ARHGEF17: variants seen among roughly 807,000 people sequenced by gnomAD.
The protein encoded by ARHGEF17 is 164 kDa Rho-specific guanine-nucleotide exchange factor.
Under a neutral mutation model 174.0 loss-of-function variants are expected in ARHGEF17, and 80 were observed. The observed-to-expected ratio is 0.46, with a 90% CI of 0.38 to 0.55. The LOEUF (loss-of-function observed/expected upper bound fraction) is 0.55. Ranked by LOEUF, ARHGEF17 falls within the 20% of genes least tolerant of loss-of-function variation. The pLI, the probability that ARHGEF17 is intolerant of heterozygous loss-of-function variation, is 0.00. For missense variants in ARHGEF17, 2,886 were observed against 2,839.7 expected (o/e 1.02, Z -0.37); for synonymous variants, 1,311 against 1,189.1 (o/e 1.10, Z -2.11).
chr11:73,335,135 G>A (rs915381890), intron 1 of ARHGEF17, among the ~76,000 whole-genome samples: 3 of 152,206 alleles, frequency 2.0e-5, no homozygotes, highest in African/African-American at 7.2e-5. Flanking sequence ...GAAGGTGGGT[G>A]CATTTCCTGG....
chr11:73,315,218 T>A (rs1864909109), intron 1 of ARHGEF17, among the ~76,000 whole-genome samples: 2 of 152,140 alleles, frequency 1.3e-5, no homozygotes, highest in African/African-American at 2.4e-5. Context: ...GAGTGTCACC[T>A]CCACATCCCC....
chr11:73,360,310 T>C lies in ARHGEF17; in HGVS notation c.4207-10T>C, dbSNP rs1254490548. On this transcript the variant is annotated splice_polypyrimidine_tract_variant and intron_variant, in intron 10 of 20. Coordinates refer to ENST00000263674, the MANE Select transcript of ARHGEF17 (RefSeq NM_014786.4). ...GCTGGGGCCTGAGGCCTGGGCCCTC[T>C]TCCCCACAGAGCCTGGACGATGCAC... 2 of 1,612,978 alleles carry C rather than the reference T, an allele frequency of 1.2e-6. No homozygotes were observed. The highest frequency in any genetic ancestry group is 1.7e-6 in the Non-Finnish European group (2 of 1,179,918).
rs377182468 is a variant in ARHGEF17 at position 73,356,293 on chromosome 11, C to G, written c.3782C>G (p.Ala1261Gly). ...INKGVRSAEE[A>G]ERHARVLQEI... is the part of the protein sequence containing the mutation. ...AAGGGTGTGCGGAGTGCCGAGGAGG[C>G]GGAGCGCCATGCCCGTGTGCTGCAG... Residue 1261 changes from alanine (A) to glycine (G), a missense_variant, in exon 6 of 21, where the codon GCG (alanine) becomes GGG (glycine). By Grantham distance (60) the Ala-to-Gly change is moderately conservative. Transcript: ENST00000263674. 2.5e-6 allele frequency: 4 copies of G among 1,613,322 alleles called. No individual in the cohort carries two copies. Among genetic ancestry groups the G allele is most frequent in the African/African-American group, 2.7e-5 (2 of 74,908 alleles).
chr11:73,342,687 G>A (rs1236748842), intron 1 of ARHGEF17, among the ~76,000 whole-genome samples: 2 of 152,094 alleles, frequency 1.3e-5, no homozygotes, highest in Non-Finnish European at 2.9e-5. Context: ...TGCGTTCAGC[G>A]TGTGCCGGCG....
At position 73,311,425 on chromosome 11, in the gene ARHGEF17, T is replaced by A. The variant is rs1035277915; in HGVS notation, c.2787T>A (p.Ser929Arg). ...GCTCCAAGAAGCGCCCAGCTCGGAG[T>A]AGTCACCAGGAGCTTCGGAGAGACG... ...RRGSKKRPAR[S>R]SHQELRRDEG... The change falls in exon 1 of 21, where the codon AGT becomes AGA. Residue 929 changes from serine to arginine, a missense_variant. Around this residue, in one of 4 missense-constraint regions of ARHGEF17, gnomAD observed 1,728 missense variants for 1,461.2 expected, o/e 1.18. Coordinates refer to ENST00000263674, the MANE Select transcript of ARHGEF17 (RefSeq NM_014786.4). The A allele has an allele frequency of 1.9e-6, 3 of 1,613,104 alleles. No homozygotes were observed. Among genetic ancestry groups the A allele is most frequent in the Non-Finnish European group, 2.5e-6 (3 of 1,179,996 alleles).
At chr11:73,313,934 C>T (rs1219059041) in intron 1 of ARHGEF17, among the ~76,000 whole-genome samples, 1 of 152,194 alleles carries the variant, frequency 6.6e-6, no homozygotes, top group East Asian at 1.9e-4. Context: ...CTGCACTGCC[C>T]AGCTGCTTCT....
intron 1 of ARHGEF17, among the ~76,000 whole-genome samples, chr11:73,338,749 C>T (rs1786032477): frequency 6.6e-6 from 1 of 151,762 alleles, no homozygotes; most frequent in South Asian, 2.1e-4. Flanking sequence ...GCTCTCCCCA[C>T]TGGGGAGAGG....
intron 12 of ARHGEF17, 78 bp downstream of exon 12, chr11:73,361,239 T>C: frequency 7.5e-7 from 1 of 1,341,334 alleles, no homozygotes; most frequent in East Asian, 2.3e-5. Flanking sequence ...TACGACATTG[T>C]GTATATGCCG....
At position 73,357,273 on chromosome 11, in the gene ARHGEF17, A is replaced by G; in HGVS notation, c.4033A>G (p.Ser1345Gly). Residue 1345 changes from serine to glycine, a missense_variant, in exon 9 of 21, where the codon AGC (serine) becomes GGC (glycine). Physicochemically the swap from Ser to Gly is moderately conservative, Grantham distance 56. This residue lies in a region of ARHGEF17 where 353 missense variants were observed against 470.3 expected (regional missense o/e 0.75). Coordinates refer to ENST00000263674, the MANE Select transcript of ARHGEF17 (RefSeq NM_014786.4). The part of the protein sequence containing the change: ...YTAASVIDTA[S>G]KYKMLWKLPL... ...GGCAGCCAGTGTCATTGACACAGCC[A>G]GCAAGTACAAGATGCTGTGGAAGCT... The G allele has an allele frequency of 6.2e-7, 1 of 1,614,138 alleles. No homozygotes were observed. The highest frequency in any genetic ancestry group is 8.5e-7 in the Non-Finnish European group (1 of 1,179,986).
chr11:73,330,451 G>A (rs562205701), intron 1 of ARHGEF17, among the ~76,000 whole-genome samples: 160 of 152,248 alleles, frequency 1.1e-3, no homozygotes, highest in African/African-American at 3.7e-3. Flanking sequence ...CTGGTGTGTA[G>A]TATGAGTTAT....
rs369445235 is a variant in ARHGEF17, at chr11:73,363,359, G to T, written c.5150G>T (p.Ser1717Ile). Reference protein sequence around the residue: ...PMDGRALRRSSHGSFTRGSLE... With the variant: ...PMDGRALRRSIHGSFTRGSLE... Reference sequence around the variant, plus strand: ...GATGGGAGAGCCCTTCGCCGCTCCAGCCACGGCTCCTTCACCCGGGGCAGC... The same window carrying T: ...GATGGGAGAGCCCTTCGCCGCTCCATCCACGGCTCCTTCACCCGGGGCAGC... Residue 1717 changes from serine (S) to isoleucine (I), a missense_variant, in exon 15 of 21, where the codon AGC (serine) becomes ATC (isoleucine). By Grantham distance (142) the Ser-to-Ile change is moderately radical (BLOSUM62 -2). Transcript: ENST00000263674. 35 of 1,612,960 alleles carry T rather than the reference G, an allele frequency of 2.2e-5. No individual in the cohort carries two copies. Among genetic ancestry groups the T allele is most frequent in the Non-Finnish European group, 2.8e-5 (33 of 1,179,890 alleles).
chr11:73,317,129 C>T (rs1382061989), intron 1 of ARHGEF17, among the ~76,000 whole-genome samples: 3 of 152,126 alleles, frequency 2.0e-5, no homozygotes, highest in Non-Finnish European at 4.4e-5. Flanking sequence ...TGGCCACCCC[C>T]TGCAGACCCA....
chr11:73,366,008 C>T (rs971599689), intron 20 of ARHGEF17, 61 bp downstream of exon 20: 50 of 1,552,324 alleles, frequency 3.2e-5, no homozygotes, highest in Non-Finnish European at 4.2e-5. Flanking sequence ...GGACTCCCCA[C>T]TATCCTGCCA....
intron 3 of ARHGEF17, among the ~76,000 whole-genome samples, chr11:73,354,332 G>A (rs1043667096): frequency 1.3e-5 from 2 of 152,188 alleles, no homozygotes; most frequent in South Asian, 4.1e-4. Context: ...TCCCAGGGTG[G>A]GGGTGGTTGG....
In ARHGEF17 at chr11:73,308,915, C is replaced by G; in HGVS notation, c.277C>G (p.Arg93Gly). ...GCTCTCCCGGCGCTTCGACGCGCCG[C>G]GTCTGGACGACGGCTCCGCTGGGAC... is the stretch of plus-strand genomic sequence containing the variant. The part of the protein sequence containing the change: ...RQLSRRFDAP[R>G]LDDGSAGTRD... Residue 93 changes from arginine to glycine, a missense_variant, in exon 1 of 21, where the codon CGT becomes GGT. Around this residue, in one of 4 missense-constraint regions of ARHGEF17, gnomAD observed 1,728 missense variants for 1,461.2 expected, o/e 1.18. Coordinates refer to ENST00000263674, the MANE Select transcript of ARHGEF17 (RefSeq NM_014786.4). 1 of 1,366,006 alleles carries G rather than the reference C, an allele frequency of 7.3e-7. No homozygotes were observed. Among genetic ancestry groups the G allele is most frequent in the Non-Finnish European group, 9.4e-7 (1 of 1,065,810 alleles). The allele number at this position is 1,366,006 out of a possible 1,614,324, so 84.6% of individuals were successfully genotyped here.
intron 1 of ARHGEF17, among the ~76,000 whole-genome samples, chr11:73,316,743 C>G (rs1864934571): frequency 1.3e-5 from 2 of 152,216 alleles, no homozygotes; most frequent in South Asian, 4.1e-4. Flanking sequence ...AGCACATACT[C>G]AAAGTGAGAT....
Position 73,365,106 on chromosome 11 carries a change from C to A in ARHGEF17, c.5551-284C>A. The A allele has an allele frequency of 2.3e-6, 1 of 430,118 alleles. No homozygotes were observed. Among genetic ancestry groups the A allele is most frequent in the African/African-American group, 2.0e-5 (1 of 50,168 alleles). 26.6% of individuals were successfully genotyped at this position (430,118 alleles called of 1,614,324 possible). A position where few individuals can be genotyped will look rare whatever the true frequency, so the allele number is the denominator to read the frequency against. Reference sequence around the variant, plus strand: ...CTTTCCCTTCTAGGCTTCAGCTTCCCCACCTGTCCAGGGGGAGGCCAGTGA... The same window carrying A: ...CTTTCCCTTCTAGGCTTCAGCTTCCACACCTGTCCAGGGGGAGGCCAGTGA... On this transcript the variant is annotated intron_variant, in intron 18 of 20. Coordinates refer to ENST00000263674, the MANE Select transcript of ARHGEF17 (RefSeq NM_014786.4). This position sits in a 1 kb window ranked among gnomAD's most constrained non-coding sequence, Gnocchi z 4.9.
intron 1 of ARHGEF17, among the ~76,000 whole-genome samples, chr11:73,337,415 A>T (rs1478180037): frequency 6.6e-6 from 1 of 151,858 alleles, no homozygotes; most frequent in Admixed American, 6.6e-5. Flanking sequence ...AGAAAAAAAA[A>T]AAAAAAAAAG....
chr11:73,362,197 T>A lies in ARHGEF17; in HGVS notation c.4652T>A (p.Leu1551His). 2 of 1,570,824 alleles carry A rather than the reference T, an allele frequency of 1.3e-6. No individual in the cohort carries two copies. The highest frequency in any genetic ancestry group is 1.7e-6 in the Non-Finnish European group (2 of 1,162,530). The change falls in exon 13 of 21, where the codon CTC (leucine) becomes CAC (histidine). Residue 1551 changes from leucine to histidine, a missense_variant. This residue lies in a region of ARHGEF17 where 476 missense variants were observed against 473.1 expected (regional missense o/e 1.01). Coordinates refer to ENST00000263674, the MANE Select transcript of ARHGEF17 (RefSeq NM_014786.4). ...ATCGCCGTCTGTTCCGCCCGCATCCTCTGCATCGGGGCGGTGCCCGGGCTG... is the reference window on the plus strand; with the variant it reads ...ATCGCCGTCTGTTCCGCCCGCATCCACTGCATCGGGGCGGTGCCCGGGCTG... ...ACIAVCSARI[L>H]CIGAVPGLQP...
Sources: allele counts gnomAD v4.1 joint callset (sites outside exome capture counted in the v4.1 genomes callset), GRCh38; gene constraint gnomAD v4.1.1; regional missense constraint gnomAD v4.1.1; non-coding constraint Gnocchi (gnomAD v3.1); transcripts MANE v1.5; gene names NCBI Gene and HGNC (gene_info 2026-07-23, HGNC 2026-07-21).